The following KCNIP4 variants were observed in gnomAD, a reference collection of about 807,000 sequenced individuals.
KCNIP4 encodes Kv channel-interacting protein 4.
In KCNIP4, 12 loss-of-function variants were observed where a neutral mutation model predicts 34.0. The ratio of observed to expected loss-of-function variants is 0.35; its 90% CI spans 0.23 to 0.57. The LOEUF (loss-of-function observed/expected upper bound fraction) is 0.57. Among genes scored for constraint, KCNIP4 ranks in the 20% least tolerant of loss-of-function variants. The pLI is 0.83. For synonymous variants in KCNIP4, 124 were observed against 102.2 expected, an observed-to-expected ratio of 1.21 and a Z score of -1.29; for missense variants, 238 against 311.7, an observed-to-expected ratio of 0.76 and a Z score of 1.78.
At chr4:20,807,870 T>C (rs375063506) in intron 3 of KCNIP4, among the ~76,000 whole-genome samples, 17 of 152,270 alleles carry the variant, frequency 1.1e-4, no homozygotes, top group African/African-American at 4.1e-4. Flanking sequence ...GAAGACACTA[T>C]GGAAGATAAC....
chr4:21,772,296 T>G (rs1718852493), intron 1 of KCNIP4, among the ~76,000 whole-genome samples: 1 of 152,136 alleles, frequency 6.6e-6, no homozygotes, highest in Non-Finnish European at 1.5e-5. Context: ...GTGGATAAGT[T>G]TTTTGACGTG....
At chr4:21,892,173 T>C (rs1252710546) in intron 1 of KCNIP4, among the ~76,000 whole-genome samples, 1 of 152,078 alleles carries the variant, frequency 6.6e-6, no homozygotes, top group East Asian at 1.9e-4. Context: ...AATAAAATAA[T>C]TGTTGTATAT....
chr4:21,791,959 A>C (rs1178628781), intron 1 of KCNIP4, among the ~76,000 whole-genome samples: 2 of 122,768 alleles, frequency 1.6e-5, no homozygotes, highest in Admixed American at 2.4e-4. Flanking sequence ...CCGAGATTGC[A>C]CCGCTGTACT....
chr4:21,028,174 C>A (rs575897059), intron 1 of KCNIP4, among the ~76,000 whole-genome samples: 8 of 152,124 alleles, frequency 5.3e-5, no homozygotes, highest in South Asian at 2.1e-4. Flanking sequence ...TCCCCTCCCC[C>A]CCAATTGTCA....
At chr4:21,897,225 T>C (rs1256605708) in intron 1 of KCNIP4, among the ~76,000 whole-genome samples, 8 of 151,508 alleles carry the variant, frequency 5.3e-5, no homozygotes, top group Admixed American at 3.3e-4. Context: ...GCATTGTCTA[T>C]AGAAATAGAG....
At chr4:21,632,918 T>C (rs893299880) in intron 1 of KCNIP4, among the ~76,000 whole-genome samples, 1 of 152,208 alleles carries the variant, frequency 6.6e-6, no homozygotes, top group Middle Eastern at 3.2e-3. Context: ...AGAGTTTGCA[T>C]AATTGTACAT....
At chr4:21,872,294 G>A (rs1013423641) in intron 1 of KCNIP4, among the ~76,000 whole-genome samples, 8 of 152,042 alleles carry the variant, frequency 5.3e-5, no homozygotes, top group Non-Finnish European at 1.5e-5. Context: ...TGAACGCCTG[G>A]CATTCATCAT....
At chr4:21,367,784 G>C (rs1205048548) in intron 1 of KCNIP4, among the ~76,000 whole-genome samples, 1 of 147,258 alleles carries the variant, frequency 6.8e-6, no homozygotes, top group Non-Finnish European at 1.5e-5. Flanking sequence ...TTTTTTTTAA[G>C]TCTACATATG....
chr4:20,927,652 A>AT (rs973462974), intron 1 of KCNIP4, among the ~76,000 whole-genome samples: 13 of 152,106 alleles, frequency 8.5e-5, no homozygotes, highest in African/African-American at 2.7e-4. Context: ...GGCAAAAAAT[A>AT]TTTTTTTCTT....
chr4:21,676,795 T>C (rs1749940346), intron 1 of KCNIP4, among the ~76,000 whole-genome samples: 1 of 152,158 alleles, frequency 6.6e-6, no homozygotes, highest in African/African-American at 2.4e-5. Context: ...ATGAAGCAAA[T>C]TTATATAACT....
At chr4:21,462,196 C>T (rs1294870465) in intron 1 of KCNIP4, among the ~76,000 whole-genome samples, 1 of 152,032 alleles carries the variant, frequency 6.6e-6, no homozygotes, top group Non-Finnish European at 1.5e-5. Flanking sequence ...TACCCATTCC[C>T]CTTCCCCCAT....
intron 5 of KCNIP4, among the ~76,000 whole-genome samples, chr4:20,744,156 CT>C (rs200529288): frequency 0.06 from 9,209 of 152,228 alleles, 328 homozygotes; most frequent in Admixed American, 0.098. Context: ...CACTTTTGCA[CT>C]GTTGGTGGGA....
At chr4:21,619,734 A>G (rs1744875599) in intron 1 of KCNIP4, among the ~76,000 whole-genome samples, 1 of 152,252 alleles carries the variant, frequency 6.6e-6, no homozygotes, top group Non-Finnish European at 1.5e-5. Flanking sequence ...GCTATGAACC[A>G]GGACTTTAGC....
intron 1 of KCNIP4, among the ~76,000 whole-genome samples, chr4:21,076,041 C>G (rs546561402): frequency 1.6e-4 from 24 of 152,218 alleles, no homozygotes; most frequent in Admixed American, 1.5e-3. Flanking sequence ...TTGTGGGTAA[C>G]CCGACCTTTC....
In KCNIP4 at chr4:21,223,737, G is replaced by A. The variant is rs964359323; in HGVS notation, c.62-341028C>T. Among the ~76,000 whole-genome samples, 9 of 152,072 alleles carry A rather than the reference G, an allele frequency of 5.9e-5. No individual in the cohort carries two copies. In the East Asian group the frequency reaches 9.6e-4, roughly 16 times the overall value. On this transcript the variant is annotated intron_variant, in intron 1 of 8. Transcript: ENST00000382152. ...CTTTAATTTACCAATGCAATCTATC[G>A]GTGTTAAATTTCTCAATCTTTCTTA...
At chr4:21,460,729 A>C (rs1026052452) in intron 1 of KCNIP4, among the ~76,000 whole-genome samples, 2 of 152,094 alleles carry the variant, frequency 1.3e-5, no homozygotes, top group African/African-American at 4.8e-5. Flanking sequence ...ATTGCAAATT[A>C]GGGCATTTTT....
intron 1 of KCNIP4, among the ~76,000 whole-genome samples, chr4:21,203,325 T>C (rs560428335): frequency 6.6e-6 from 1 of 151,016 alleles, no homozygotes; most frequent in Non-Finnish European, 1.5e-5. Context: ...AAGAGGTGTG[T>C]ATTGACTGGA....
chr4:20,949,293 A>G (rs1235713065), intron 1 of KCNIP4, among the ~76,000 whole-genome samples: 1 of 152,256 alleles, frequency 6.6e-6, no homozygotes, highest in Non-Finnish European at 1.5e-5. Flanking sequence ...AGTTTAAAAA[A>G]TAGTACCAGT....
rs547791845 is a variant in KCNIP4, at chr4:21,500,585, A to T, written c.61+447986T>A. Among the ~76,000 whole-genome samples the T allele has an allele frequency of 9.8e-4, 150 of 152,296 alleles. 1 individual carries two copies. The highest frequency in any genetic ancestry group is 3.5e-3 in the African/African-American group (145 of 41,592). On this transcript the variant is annotated intron_variant, in intron 1 of 8. Coordinates refer to ENST00000382152, the MANE Select transcript of KCNIP4 (RefSeq NM_025221.6). ...AAAGTCATTGCGTTATTAGAGATTG[A>T]TAAGTTCATTACAGTAGAAAACTTG... is the stretch of plus-strand genomic sequence containing the variant.
Sources: gnomAD v4.1 joint callset for allele counts (sites outside exome capture counted in the v4.1 genomes callset) on GRCh38, gnomAD v4.1.1 for gene constraint, MANE v1.5 for transcripts, NCBI Gene and HGNC (gene_info 2026-07-23, HGNC 2026-07-21) for gene names.